The following UVRAG variants were observed in gnomAD, a reference collection of about 807,000 sequenced individuals.
UVRAG encodes UV radiation resistance associated.
A neutral mutation model predicts 78.0 loss-of-function variants in UVRAG; 19 were observed. That is an observed-to-expected ratio of 0.24 (90% CI 0.17 to 0.36). UVRAG has a LOEUF of 0.36. UVRAG is among the 10% of genes least tolerant of loss of function. UVRAG has a pLI of 1.00. For synonymous variants in UVRAG, 323 were observed against 324.6 expected (o/e 1.00, Z 0.05); for missense variants, 740 against 853.8 (o/e 0.87, Z 1.66).
In UVRAG at chr11:75,878,675, A is replaced by C. The variant is rs531757569; in HGVS notation, c.271-1204A>C. ...GGAGCTGGAGACCAGCCCGGCTAACACAGGGAAACCCAGTCTCCACCAAAA... is the reference window on the plus strand; with the variant it reads ...GGAGCTGGAGACCAGCCCGGCTAACCCAGGGAAACCCAGTCTCCACCAAAA... On this transcript the variant is annotated intron_variant, in intron 3 of 14. Coordinates refer to ENST00000356136, the MANE Select transcript of UVRAG (RefSeq NM_003369.4). Among the ~76,000 whole-genome samples, 73 of 152,342 alleles carry C rather than the reference A, an allele frequency of 4.8e-4. No individual in the cohort carries two copies. The South Asian group carries it at 0.014, about 30-fold the overall frequency.
intron 13 of UVRAG, among the ~76,000 whole-genome samples, chr11:76,091,567 CTT>C (rs1353353311): frequency 6.6e-6 from 1 of 152,018 alleles, no homozygotes; most frequent in Non-Finnish European, 1.5e-5. Context: ...TTTTCTATCT[CTT>C]TGTCTTTTTG....
chr11:75,931,833 A>G (rs747798832), intron 6 of UVRAG, among the ~76,000 whole-genome samples: 6 of 152,080 alleles, frequency 3.9e-5, no homozygotes, highest in Non-Finnish European at 8.8e-5. Flanking sequence ...TCATTTTTAC[A>G]TTATCAAGTT....
At chr11:75,911,646 A>G (rs1947742288) in intron 5 of UVRAG, 1 of 226,422 alleles carries the variant, frequency 4.4e-6, no homozygotes, top group Admixed American at 5.6e-5. Context: ...GTCTTCCTCC[A>G]TGGCTGGGGC....
rs1190131993 is a variant in UVRAG at position 75,983,500 on chromosome 11, A to G, written c.813A>G (p.Ala271=). 1.2e-6 allele frequency: 2 copies of G among 1,605,388 alleles called. No homozygotes were observed. Among genetic ancestry groups the G allele is most frequent in the Non-Finnish European group, 1.7e-6 (2 of 1,174,620 alleles). The change falls in exon 8 of 15, where the codon GCA becomes GCG. Residue 271 remains alanine (A), a synonymous_variant. Coordinates refer to ENST00000356136, the MANE Select transcript of UVRAG (RefSeq NM_003369.4). ...CATTACTGCATAAGCAACAAATTGC[A>G]TTACAAGACAAAGGTGAGTGGAAAT... The part of the protein sequence containing the change: ...EVALLHKQQI[A]LQDKGSAFSA...
intron 12 of UVRAG, among the ~76,000 whole-genome samples, chr11:76,057,071 T>G (rs1466225641): frequency 6.6e-6 from 1 of 152,180 alleles, no homozygotes; most frequent in Non-Finnish European, 1.5e-5. Context: ...GCATAGTGAG[T>G]GCCAAGGAGA....
intron 6 of UVRAG, among the ~76,000 whole-genome samples, chr11:75,923,602 G>A (rs1442434430): frequency 6.6e-6 from 1 of 152,180 alleles, no homozygotes; most frequent in Non-Finnish European, 1.5e-5. Flanking sequence ...AATTTTGAAA[G>A]TTTTTAGTTC....
At chr11:75,895,836 A>G (rs1590988348) in intron 5 of UVRAG, among the ~76,000 whole-genome samples, 1 of 152,180 alleles carries the variant, frequency 6.6e-6, no homozygotes, top group Non-Finnish European at 1.5e-5. Context: ...TGAATAAGTG[A>G]TGATGCAAAT....
intron 5 of UVRAG, among the ~76,000 whole-genome samples, chr11:75,910,746 C>A (rs1188725315): frequency 6.6e-6 from 1 of 152,014 alleles, no homozygotes; most frequent in Non-Finnish European, 1.5e-5. Context: ...TCTCCTCTGC[C>A]TTTCTTAAAT....
intron 12 of UVRAG, among the ~76,000 whole-genome samples, chr11:76,024,703 T>C (rs1950299374): frequency 6.6e-6 from 1 of 152,194 alleles, no homozygotes; most frequent in Non-Finnish European, 1.5e-5. Context: ...CAAATCCTTT[T>C]TGGAATAACA....
At position 76,140,770 on chromosome 11, in the gene UVRAG, G is replaced by T. The variant is rs77892162; in HGVS notation, c.1457G>T (p.Gly486Val). ...CCTAAGAGACAAAGCTCCATATTTG[G>T]GGGTGCAGATGTAGGCTTCTCTGGG... is the stretch of plus-strand genomic sequence containing the variant. ...PVPKRQSSIF[G>V]GADVGFSGGI... The change falls in exon 15 of 15, where the codon GGG becomes GTG. Residue 486 changes from glycine (G) to valine (V), a missense_variant. By Grantham distance (109) the Gly-to-Val change is moderately radical. Coordinates refer to ENST00000356136, the MANE Select transcript of UVRAG (RefSeq NM_003369.4). 3.8e-3 allele frequency: 6,173 copies of T among 1,613,020 alleles called. 16 individuals are homozygous for T. Among genetic ancestry groups the T allele is most frequent in the Middle Eastern group, 6.6e-3 (40 of 6,048 alleles).
Position 76,139,275 on chromosome 11 carries a change from G to C in UVRAG, c.1398-1436G>C, listed in dbSNP as rs562493195. On this transcript the variant is annotated intron_variant, in intron 14 of 14. Coordinates refer to ENST00000356136, the MANE Select transcript of UVRAG (RefSeq NM_003369.4). The stretch of plus-strand genomic sequence containing the variant: ...GGAGCTGGGGCCAGGGCTTGTGGCT[G>C]TAGACACAAGTGGAAGAAACCCCAG... Among the ~76,000 whole-genome samples the C allele has an allele frequency of 3.3e-5, 5 of 152,314 alleles. No homozygotes were observed. The East Asian group carries it at 5.8e-4, about 18-fold the overall frequency.
intron 4 of UVRAG, among the ~76,000 whole-genome samples, chr11:75,887,803 C>T (rs1371679546): frequency 6.6e-6 from 1 of 151,886 alleles, no homozygotes; most frequent in East Asian, 1.9e-4. Context: ...AGGCTGGTCT[C>T]GAATTTCTCA....
chr11:76,012,713 T>C (rs937366101), intron 11 of UVRAG, among the ~76,000 whole-genome samples: 1 of 151,818 alleles, frequency 6.6e-6, no homozygotes, highest in South Asian at 2.1e-4. Flanking sequence ...CAAGGAGACC[T>C]GGACACAGTG....
chr11:76,074,974 G>A (rs1205624377), intron 13 of UVRAG, among the ~76,000 whole-genome samples: 3 of 152,126 alleles, frequency 2.0e-5, no homozygotes, highest in Non-Finnish European at 2.9e-5. Context: ...TTCTGCCAAG[G>A]ACGTGATCCT....
chr11:75,940,051 G>A (rs1466833956), intron 6 of UVRAG, among the ~76,000 whole-genome samples: 1 of 152,138 alleles, frequency 6.6e-6, no homozygotes, highest in Non-Finnish European at 1.5e-5. Flanking sequence ...ACTTCTGGCA[G>A]CAACTTTTAA....
chr11:75,935,318 G>C (rs1948345344), intron 6 of UVRAG, among the ~76,000 whole-genome samples: 2 of 152,154 alleles, frequency 1.3e-5, no homozygotes, highest in Non-Finnish European at 2.9e-5. Context: ...CAGTGGAATT[G>C]TATATTTATT....
chr11:75,952,585 T>C (rs1461420080), intron 6 of UVRAG, among the ~76,000 whole-genome samples: 3 of 152,134 alleles, frequency 2.0e-5, no homozygotes, highest in Non-Finnish European at 4.4e-5. Context: ...CCTTGTATAG[T>C]ATTTGAAAAT....
intron 5 of UVRAG, chr11:75,911,626 G>T: frequency 4.8e-6 from 1 of 208,624 alleles, no homozygotes; most frequent in South Asian, 9.9e-5. Flanking sequence ...CTCGGGGTCT[G>T]GGGGCTGTTG....
At chr11:75,960,692 G>A (rs1419050643) in intron 6 of UVRAG, among the ~76,000 whole-genome samples, 7 of 152,176 alleles carry the variant, frequency 4.6e-5, no homozygotes, top group African/African-American at 9.6e-5. Flanking sequence ...ACTTGAGCCC[G>A]GGAGGTCAAG....
Sources: gnomAD v4.1 joint callset for allele counts (sites outside exome capture counted in the v4.1 genomes callset) on GRCh38, gnomAD v4.1.1 for gene constraint, MANE v1.5 for transcripts, NCBI Gene and HGNC (gene_info 2026-07-23, HGNC 2026-07-21) for gene names.